The following PRKAR1B variants were observed in gnomAD, a reference collection of about 807,000 sequenced individuals.
PRKAR1B encodes cAMP-dependent protein kinase type I-beta regulatory subunit.
A neutral mutation model predicts 46.5 loss-of-function variants in PRKAR1B; 22 were observed. That is an observed-to-expected ratio of 0.47 (90% confidence interval 0.34 to 0.68). PRKAR1B has a LOEUF of 0.68. PRKAR1B is among the 30% of genes least tolerant of loss of function. PRKAR1B has a pLI of 0.01. For missense variants in PRKAR1B, 445 were observed against 535.6 expected (o/e 0.83, Z 1.67); for synonymous variants, 259 against 217.7 (o/e 1.19, Z -1.67).
In PRKAR1B at chr7:588,426, G is replaced by A. The variant is rs561952245; in HGVS notation, c.709-3858C>T. ...GCTAATGGTGATGGTGGTGATGTTG[G>A]TGAGGATAGTGACAGTGGTGATGGT... On this transcript the variant is annotated intron_variant, in intron 7 of 10. Coordinates refer to ENST00000537384, the MANE Select transcript of PRKAR1B (RefSeq NM_001164760.2). Among the ~76,000 whole-genome samples, 618 of 151,972 alleles carry A rather than the reference G, an allele frequency of 4.1e-3. 1 individual carries two copies. Among genetic ancestry groups the A allele is most frequent in the African/African-American group, 0.014 (572 of 41,288 alleles).
rs1340175404 is a variant in PRKAR1B, at chr7:685,270, G to GTATATATACGTA, written c.178-4556_178-4545dup. Among the ~76,000 whole-genome samples, 7 of 24,856 alleles carry GTATATATACGTA rather than the reference G, an allele frequency of 2.8e-4. 1 individual carries two copies. The highest frequency in any genetic ancestry group is 1.1e-3 in the African/African-American group (7 of 6,612). 16.3% of individuals were successfully genotyped at this position (24,856 alleles called of 152,430 possible). A position where few individuals can be genotyped will look rare whatever the true frequency, so the allele number is the denominator to read the frequency against. On this transcript the variant is annotated intron_variant, in intron 2 of 10. Transcript: ENST00000537384. ...ACACGTTTTATATATACATATATAC[G>GTATATATACGTA]TATATATACGTATATATATGTATAC...
At chr7:721,296 A>G (rs978633917) in intron 1 of PRKAR1B, among the ~76,000 whole-genome samples, 1 of 152,152 alleles carries the variant, frequency 6.6e-6, no homozygotes, top group Non-Finnish European at 1.5e-5. Context: ...ATTGACTTCT[A>G]TTTTTATCCA....
At chr7:677,157 G>A in intron 4 of PRKAR1B, 72 bp downstream of exon 4, 1 of 1,412,182 alleles carries the variant, frequency 7.1e-7, no homozygotes. Flanking sequence ...CAGGCAAGTG[G>A]CGGGACCTGC....
intron 9 of PRKAR1B, chr7:578,658 G>A (rs1364046395): frequency 6.0e-6 from 1 of 165,746 alleles, no homozygotes; most frequent in East Asian, 1.9e-4. Context: ...CTGTGTGCAG[G>A]TTTTGTGCAG....
chr7:669,474 C>A (rs901578163), intron 4 of PRKAR1B, among the ~76,000 whole-genome samples: 2 of 152,040 alleles, frequency 1.3e-5, no homozygotes, highest in Non-Finnish European at 1.5e-5. Context: ...TTAAAAATGG[C>A]TAAAATGGGC....
chr7:627,699 C>T (rs1220397759), intron 4 of PRKAR1B, among the ~76,000 whole-genome samples: 1 of 152,092 alleles, frequency 6.6e-6, no homozygotes, highest in Non-Finnish European at 1.5e-5. Flanking sequence ...GGCTCGGGCG[C>T]TCTCCATCCA....
intron 9 of PRKAR1B, among the ~76,000 whole-genome samples, chr7:577,575 T>C (rs555652265): frequency 6.6e-6 from 1 of 151,864 alleles, no homozygotes. Context: ...CGGGGCCACC[T>C]GGGGAGGGGG....
intron 4 of PRKAR1B, among the ~76,000 whole-genome samples, chr7:621,211 T>C (rs1359049946): frequency 6.6e-6 from 1 of 152,238 alleles, no homozygotes; most frequent in East Asian, 1.9e-4. Context: ...ATAGACAGTT[T>C]GCTGATGTTT....
intron 2 of PRKAR1B, among the ~76,000 whole-genome samples, chr7:686,429 T>C (rs904850355): frequency 3.3e-5 from 5 of 152,158 alleles, no homozygotes; most frequent in African/African-American, 7.2e-5. Flanking sequence ...GATACAACTA[T>C]ACTGGGAAGA....
intron 4 of PRKAR1B, among the ~76,000 whole-genome samples, chr7:610,490 C>T (rs1174675690): frequency 6.6e-6 from 1 of 152,208 alleles, no homozygotes. Flanking sequence ...TCTCTGTGAT[C>T]AGCAGAGCCC....
chr7:626,389 G>A (rs1783404100), intron 4 of PRKAR1B, among the ~76,000 whole-genome samples: 1 of 152,150 alleles, frequency 6.6e-6, no homozygotes, highest in African/African-American at 2.4e-5. Flanking sequence ...CAACTACTTG[G>A]AAGGATGAGG....
chr7:579,077 C>T (rs1406525958), intron 9 of PRKAR1B, 179 bp downstream of exon 9: 3 of 985,360 alleles, frequency 3.0e-6, no homozygotes, highest in Non-Finnish European at 3.6e-6. Flanking sequence ...GGAGGAATCT[C>T]AGTGGCAGGA....
chr7:661,910 G>T (rs1333216417), intron 4 of PRKAR1B, among the ~76,000 whole-genome samples: 1 of 68,654 alleles, frequency 1.5e-5, no homozygotes, highest in Admixed American at 1.4e-4. Flanking sequence ...CATGGCACAG[G>T]TCCCCACCCC....
At chr7:707,577 A>ACCTCAGAG (rs1562356486) in intron 2 of PRKAR1B, among the ~76,000 whole-genome samples, 1 of 151,994 alleles carries the variant, frequency 6.6e-6, no homozygotes, top group African/African-American at 2.4e-5. Context: ...GAACCTCAGA[A>ACCTCAGAG]CCTCAGAAGT....
At chr7:701,488 A>G (rs1462280484) in intron 2 of PRKAR1B, among the ~76,000 whole-genome samples, 2 of 152,184 alleles carry the variant, frequency 1.3e-5, no homozygotes, top group African/African-American at 4.8e-5. Context: ...GATGGTTGAA[A>G]ACTTCTCAAA....
intron 4 of PRKAR1B, among the ~76,000 whole-genome samples, chr7:630,489 A>G (rs1783673827): frequency 6.6e-6 from 1 of 152,142 alleles, no homozygotes; most frequent in African/African-American, 2.4e-5. Context: ...GGCCTATCCC[A>G]TTGCCCTGGG....
chr7:721,648 CA>C (rs35487659), intron 1 of PRKAR1B, among the ~76,000 whole-genome samples: 71,385 of 145,622 alleles, frequency 0.49, 16,954 homozygotes, highest in African/African-American at 0.5. Flanking sequence ...AATTCCGTCT[CA>C]AAAAAAAAAA....
chr7:644,695 G>A lies in PRKAR1B; in HGVS notation c.440+32534C>T, dbSNP rs751831676. On this transcript the variant is annotated intron_variant, in intron 4 of 10. Transcript: ENST00000537384. This position sits in a 1 kb window ranked among gnomAD's most constrained non-coding sequence, Gnocchi z 4.9. ...GAGACTTTCAACCCACCAGGGCCTG[G>A]GTGGCTGGACCACAGCCCAGCAAAG... 3.3e-5 allele frequency among the ~76,000 whole-genome samples: 5 copies of A among 152,168 alleles called. No homozygotes were observed. Among genetic ancestry groups the A allele is most frequent in the Non-Finnish European group, 5.9e-5 (4 of 68,020 alleles).
rs749636163 is a variant in PRKAR1B, at chr7:680,756, A to G, written c.178-30T>C. The G allele has an allele frequency of 2.5e-6, 4 of 1,613,254 alleles. No individual in the cohort carries two copies. The South Asian group carries it at 3.3e-5, about 13-fold the overall frequency. ...GTGGGAGAGGAAAACACAGAAAGGA[A>G]GTAAGAACCTGGCTGTCCCGGCCAG... On this transcript the variant is annotated intron_variant, in intron 2 of 10. Coordinates refer to ENST00000537384, the MANE Select transcript of PRKAR1B (RefSeq NM_001164760.2).
Sources: gnomAD v4.1 joint callset for allele counts (sites outside exome capture counted in the v4.1 genomes callset) on GRCh38, gnomAD v4.1.1 for gene constraint, Gnocchi (gnomAD v3.1) non-coding constraint, MANE v1.5 for transcripts, NCBI Gene and HGNC (gene_info 2026-07-23, HGNC 2026-07-21) for gene names.